ZNF385D: variants seen among roughly 807,000 people sequenced by gnomAD.
ZNF385D encodes zinc finger protein 385D.
Under a neutral mutation model 35.8 loss-of-function variants are expected in ZNF385D, and 15 were observed. That is an observed-to-expected ratio of 0.42 (90% CI 0.28 to 0.64). The LOEUF is 0.64. Among genes scored for constraint, ZNF385D ranks in the 30% least tolerant of loss-of-function variants. The pLI is 0.23. For missense variants in ZNF385D, 474 were observed against 494.6 expected (o/e 0.96, Z 0.39); for synonymous variants, 212 against 186.8 (o/e 1.13, Z -1.10).
At chr3:21,875,871 A>T (rs570639467) in intron 3 of ZNF385D, among the ~76,000 whole-genome samples, 14 of 152,202 alleles carry the variant, frequency 9.2e-5, no homozygotes, top group Middle Eastern at 6.8e-3. Context: ...TCAGCAAACA[A>T]TTTCCTACAT....
chr3:21,771,868 C>T (rs9842530), intron 3 of ZNF385D, among the ~76,000 whole-genome samples: 78,073 of 151,772 alleles, frequency 0.51, 21,055 homozygotes, highest in Middle Eastern at 0.62. Context: ...TAGGGTGATA[C>T]TGGCATTGAG....
intron 3 of ZNF385D, among the ~76,000 whole-genome samples, chr3:21,956,469 T>A (rs17644255): frequency 0.26 from 39,495 of 151,856 alleles, 5,589 homozygotes; most frequent in Non-Finnish European, 0.32. Context: ...TCTACAGTGA[T>A]CTAATTGTAA....
intron 3 of ZNF385D, among the ~76,000 whole-genome samples, chr3:22,095,468 T>C (rs1701568728): frequency 6.6e-6 from 1 of 152,040 alleles, no homozygotes; most frequent in Non-Finnish European, 1.5e-5. Flanking sequence ...GGGAAGCATA[T>C]CCCATTTCTA....
intron 2 of ZNF385D, among the ~76,000 whole-genome samples, chr3:21,611,469 T>C (rs151035947): frequency 1.3e-5 from 2 of 152,334 alleles, no homozygotes; most frequent in African/African-American, 4.8e-5. Flanking sequence ...TCTGAGACTT[T>C]AGTAACCACA....
intron 3 of ZNF385D, among the ~76,000 whole-genome samples, chr3:22,071,433 T>C (rs1269729388): frequency 2.0e-5 from 3 of 152,160 alleles, no homozygotes; most frequent in Non-Finnish European, 4.4e-5. Flanking sequence ...TAGAGGTCAC[T>C]AGGTGATTGA....
chr3:21,777,386 G>C (rs879547195), intron 3 of ZNF385D, among the ~76,000 whole-genome samples: 2 of 151,856 alleles, frequency 1.3e-5, no homozygotes, highest in Non-Finnish European at 2.9e-5. Flanking sequence ...ACCGAGGTTG[G>C]GGCAGGATGG....
chr3:22,330,197 C>T (rs574045654), intron 2 of ZNF385D, among the ~76,000 whole-genome samples: 2 of 152,236 alleles, frequency 1.3e-5, no homozygotes, highest in African/African-American at 2.4e-5. Context: ...TTATTTTCTG[C>T]CTTTTACACT....
intron 3 of ZNF385D, among the ~76,000 whole-genome samples, chr3:21,988,831 C>A (rs1274134983): frequency 6.6e-6 from 1 of 152,170 alleles, no homozygotes; most frequent in Non-Finnish European, 1.5e-5. Flanking sequence ...ACTCCGTGGG[C>A]GTAGGACCCT....
chr3:22,361,682 T>A (rs1696414408), intron 2 of ZNF385D, among the ~76,000 whole-genome samples: 1 of 152,032 alleles, frequency 6.6e-6, no homozygotes, highest in Non-Finnish European at 1.5e-5. Flanking sequence ...TATTTCTCTG[T>A]ATATGTGGAA....
intron 3 of ZNF385D, among the ~76,000 whole-genome samples, chr3:22,086,524 A>G (rs1189036653): frequency 6.6e-6 from 1 of 152,192 alleles, no homozygotes; most frequent in Non-Finnish European, 1.5e-5. Context: ...GGAGAACTAC[A>G]AACCACTGCT....
chr3:21,770,926 C>A (rs1337973063), intron 3 of ZNF385D, among the ~76,000 whole-genome samples: 1 of 152,076 alleles, frequency 6.6e-6, no homozygotes, highest in Non-Finnish European at 1.5e-5. Flanking sequence ...AGGATGAGTT[C>A]ATGTCCTTTG....
intron 7 of ZNF385D, 24 bp from the exon 8 acceptor site, chr3:21,421,471 A>T (rs1700735926): frequency 5.1e-6 from 8 of 1,563,862 alleles, no homozygotes; most frequent in South Asian, 2.3e-5. Context: ...AAAATATTGT[A>T]AAAAAAACAA....
intron 3 of ZNF385D, among the ~76,000 whole-genome samples, chr3:22,002,490 T>C (rs534491101): frequency 7.9e-5 from 12 of 152,222 alleles, no homozygotes; most frequent in African/African-American, 2.2e-4. Context: ...CACTGAACTC[T>C]ACCAAACTGT....
intron 3 of ZNF385D, among the ~76,000 whole-genome samples, chr3:22,105,591 T>G (rs1181516835): frequency 6.6e-6 from 1 of 152,206 alleles, no homozygotes; most frequent in Non-Finnish European, 1.5e-5. Context: ...GCTGATGGTG[T>G]AGATCACAGT....
intron 1 of ZNF385D, among the ~76,000 whole-genome samples, chr3:21,693,761 G>A (rs1423705649): frequency 6.6e-6 from 1 of 151,614 alleles, no homozygotes; most frequent in Non-Finnish European, 1.5e-5. Flanking sequence ...GCCAATAAAT[G>A]TTTTATGAAT....
intron 3 of ZNF385D, among the ~76,000 whole-genome samples, chr3:21,531,945 C>T (rs536919802): frequency 1.3e-5 from 2 of 152,070 alleles, no homozygotes; most frequent in Non-Finnish European, 2.9e-5. Context: ...ATGTACCATT[C>T]TAGAGGGGAA....
chr3:21,447,466 A>G (rs17201257), intron 4 of ZNF385D, among the ~76,000 whole-genome samples: 42,093 of 152,178 alleles, frequency 0.28, 6,482 homozygotes, highest in East Asian at 0.43. Flanking sequence ...ATTAATGAGA[A>G]GAACTGTGTA....
intron 3 of ZNF385D, chr3:21,979,744 G>A (rs1028682348): frequency 2.6e-5 from 4 of 152,208 alleles, no homozygotes; most frequent in South Asian, 2.1e-4. Flanking sequence ...ATTGGAAGAT[G>A]AAGAGGAGAT....
chr3:21,649,955 G>A (rs900535738), intron 2 of ZNF385D, among the ~76,000 whole-genome samples: 9 of 151,904 alleles, frequency 5.9e-5, no homozygotes, highest in African/African-American at 2.2e-4. Context: ...CAATATCATG[G>A]CTGCAGACCA....
Sources: gnomAD v4.1 joint callset for allele counts (sites outside exome capture counted in the v4.1 genomes callset) on GRCh38, gnomAD v4.1.1 for gene constraint, MANE v1.5 for transcripts, NCBI Gene and HGNC (gene_info 2026-07-23, HGNC 2026-07-21) for gene names.